FBXW11: variants seen among roughly 807,000 people sequenced by gnomAD.
FBXW11 encodes F-box and WD repeat domain containing 11, also known as F-box/WD repeat-containing protein 11.
In FBXW11, 19 loss-of-function variants were observed where a neutral mutation model predicts 77.6. The observed-to-expected ratio is 0.24, with a 90% CI of 0.17 to 0.36. The LOEUF is 0.36. FBXW11 is among the 10% of genes least tolerant of loss of function. The pLI is 1.00. For missense variants in FBXW11, 334 were observed against 704.2 expected (o/e 0.47, Z 5.95); for synonymous variants, 235 against 249.4 (o/e 0.94, Z 0.54).
intron 2 of FBXW11, among the ~76,000 whole-genome samples, chr5:171,933,130 CAAAAAAAAAAA>C (rs774171489): frequency 7.1e-4 from 26 of 36,816 alleles, no homozygotes; most frequent in African/African-American, 2.5e-3. Context: ...GACCTTCTCT[CAAAAAAAAAAA>C]AAAAAAAAAA....
At chr5:171,927,507 G>C (rs1581213132) in intron 2 of FBXW11, among the ~76,000 whole-genome samples, 2 of 152,086 alleles carry the variant, frequency 1.3e-5, no homozygotes, top group African/African-American at 2.4e-5. Flanking sequence ...ATACACAAAT[G>C]AAGTTTTTTT....
intron 4 of FBXW11, among the ~76,000 whole-genome samples, chr5:171,907,464 C>T (rs1226246514): frequency 6.6e-6 from 1 of 152,104 alleles, no homozygotes; most frequent in African/African-American, 2.4e-5. Context: ...CCTGTTTCTC[C>T]TGTGATGCTC....
chr5:171,909,637 TC>T (rs1349015516), intron 4 of FBXW11, among the ~76,000 whole-genome samples: 1 of 152,196 alleles, frequency 6.6e-6, no homozygotes, highest in African/African-American at 2.4e-5. Context: ...CTCAAACTGC[TC>T]TAAAAATATA....
chr5:171,889,142 C>T (rs771237137), intron 7 of FBXW11, among the ~76,000 whole-genome samples: 1 of 152,202 alleles, frequency 6.6e-6, no homozygotes, highest in Non-Finnish European at 1.5e-5. Flanking sequence ...CGTAAATTTA[C>T]ACATTCATGA....
rs1389587017 is a variant in FBXW11 at position 171,868,788 on chromosome 5, A to G, written c.1539T>C (p.Ser513=). The G allele has an allele frequency of 6.2e-7, 1 of 1,612,542 alleles. No individual in the cohort carries two copies. Among genetic ancestry groups the G allele is most frequent in the Non-Finnish European group, 8.5e-7 (1 of 1,179,450 alleles). The part of the protein sequence containing the change: ...TLCLRTLVEH[S]GRVFRLQFDE... ...CAAACTGGAGCCGAAACACACGTCC[A>G]GAATGTTCCTATGAAATACAAAACT... Residue 513 remains serine, a synonymous_variant, in exon 13 of 14, where the codon TCT becomes TCC. Coordinates refer to ENST00000517395, the MANE Select transcript of FBXW11 (RefSeq NM_001378974.1).
chr5:171,929,966 T>C (rs902621535), intron 2 of FBXW11, among the ~76,000 whole-genome samples: 5 of 152,064 alleles, frequency 3.3e-5, no homozygotes, highest in Middle Eastern at 3.2e-3. Flanking sequence ...AAGCTCTCAG[T>C]ATAACTAAAA....
intron 1 of FBXW11, among the ~76,000 whole-genome samples, chr5:171,962,958 TC>T (rs1561726570): frequency 6.6e-6 from 1 of 152,084 alleles, no homozygotes; most frequent in South Asian, 2.1e-4. Flanking sequence ...TTTCTATAAC[TC>T]CCCCCACCAC....
intron 2 of FBXW11, among the ~76,000 whole-genome samples, chr5:171,923,829 A>T (rs1264141530): frequency 6.6e-6 from 1 of 151,764 alleles, no homozygotes; most frequent in Non-Finnish European, 1.5e-5. Flanking sequence ...CTATACAGAC[A>T]TAACACATAC....
chr5:171,902,346 C>G (rs900761887), intron 4 of FBXW11, among the ~76,000 whole-genome samples: 1 of 152,142 alleles, frequency 6.6e-6, no homozygotes, highest in African/African-American at 2.4e-5. Context: ...TGCTTGGTAA[C>G]CCTTTTAAAC....
At chr5:171,946,360 A>G (rs1309143400) in intron 2 of FBXW11, among the ~76,000 whole-genome samples, 1 of 152,186 alleles carries the variant, frequency 6.6e-6, no homozygotes, top group African/African-American at 2.4e-5. Flanking sequence ...CAGCAGGTAG[A>G]GGGATCCTGT....
chr5:171,898,532 A>G (rs1044243613), intron 6 of FBXW11, among the ~76,000 whole-genome samples: 4 of 152,228 alleles, frequency 2.6e-5, no homozygotes, highest in African/African-American at 9.6e-5. Context: ...GTCCAGGAGC[A>G]TAATTTGCCC....
rs188488224 is a variant in FBXW11, at chr5:171,973,245, A to G, written c.46-15547T>C. ...AGACCAAATGAGAACATAATCTGCAACACCCAGAAAGTGGGAAGTTATACA... is the reference window on the plus strand; with the variant it reads ...AGACCAAATGAGAACATAATCTGCAGCACCCAGAAAGTGGGAAGTTATACA... On this transcript the variant is annotated intron_variant, in intron 1 of 13. Coordinates refer to ENST00000517395, the MANE Select transcript of FBXW11 (RefSeq NM_001378974.1). Among the ~76,000 whole-genome samples, 836 of 152,336 alleles carry G rather than the reference A, an allele frequency of 5.5e-3. 33 individuals carry two copies. The highest frequency in any genetic ancestry group is 0.051 in the Admixed American group (773 of 15,294).
chr5:171,879,791 A>T (rs1758381348), intron 7 of FBXW11, among the ~76,000 whole-genome samples: 1 of 152,218 alleles, frequency 6.6e-6, no homozygotes, highest in Non-Finnish European at 1.5e-5. Context: ...TATTTTTAAA[A>T]ATCAGGTTAA....
intron 9 of FBXW11, among the ~76,000 whole-genome samples, chr5:171,873,377 T>G (rs1426819074): frequency 6.6e-6 from 1 of 152,196 alleles, no homozygotes; most frequent in Non-Finnish European, 1.5e-5. Context: ...CTGGGTACGG[T>G]AGCTCACACC....
chr5:171,976,033 TA>T (rs931051444), intron 1 of FBXW11, among the ~76,000 whole-genome samples: 3 of 151,518 alleles, frequency 2.0e-5, no homozygotes, highest in African/African-American at 7.3e-5. Flanking sequence ...TATTAATCAC[TA>T]AAACACATGA....
At chr5:171,982,406 A>T (rs1765198587) in intron 1 of FBXW11, among the ~76,000 whole-genome samples, 1 of 151,970 alleles carries the variant, frequency 6.6e-6, no homozygotes, top group African/African-American at 2.4e-5. Context: ...TCCACCAAGT[A>T]GCTGGGATTA....
chr5:171,952,447 ATTTTTTT>A lies in FBXW11; in HGVS notation c.147+5143_147+5149del, dbSNP rs1164383563. 7.2e-4 allele frequency among the ~76,000 whole-genome samples: 5 copies of A among 6,948 alleles called. 1 individual carries two copies. The highest frequency in any genetic ancestry group is 2.9e-3 in the Admixed American group (1 of 350). 4.6% of individuals were successfully genotyped at this position (6,948 alleles called of 152,430 possible). The stretch of plus-strand genomic sequence containing the variant: ...CATATATATATATATATATATATAT[ATTTTTTT>A]TTTTTTTTTTTTTTTTGAGACGGAG... On this transcript the variant is annotated intron_variant, in intron 2 of 13. Transcript: ENST00000517395.
chr5:171,876,515 C>T lies in FBXW11; in HGVS notation c.991G>A (p.Gly331Ser). 1 of 1,614,074 alleles carries T rather than the reference C, an allele frequency of 6.2e-7. No homozygotes were observed. Among genetic ancestry groups the T allele is most frequent in the South Asian group, 1.1e-5 (1 of 91,072 alleles). Residue 331 changes from glycine (G) to serine (S), a missense_variant, in exon 9 of 14, where the codon GGT (glycine) becomes AGT (serine). Physicochemically the swap from Gly to Ser is moderately conservative, Grantham distance 56. Coordinates refer to ENST00000517395, the MANE Select transcript of FBXW11 (RefSeq NM_001378974.1). The surrounding 1 kb of genome is among the most constrained non-coding windows in gnomAD (Gnocchi z 4.2). ...TGGATCAATGTGTTAAGAACTTCAC[C>T]CGTGTTCACATCCCACACTCTAGGA... ...STVRVWDVNT[G>S]EVLNTLIHHN...
At chr5:171,988,516 G>A (rs1765563784) in intron 1 of FBXW11, among the ~76,000 whole-genome samples, 1 of 152,078 alleles carries the variant, frequency 6.6e-6, no homozygotes, top group Non-Finnish European at 1.5e-5. Flanking sequence ...AAAAAGGAAG[G>A]AAGAAAAATG....
Sources: gnomAD v4.1 joint callset for allele counts (sites outside exome capture counted in the v4.1 genomes callset) on GRCh38, gnomAD v4.1.1 for gene constraint, Gnocchi (gnomAD v3.1) non-coding constraint, MANE v1.5 for transcripts, NCBI Gene and HGNC (gene_info 2026-07-23, HGNC 2026-07-21) for gene names.